Variants in SEC63 observed in about 807,000 individuals in gnomAD.
The protein encoded by SEC63 is translocation protein SEC63 homolog.
Under a neutral mutation model 116.2 loss-of-function variants are expected in SEC63, and 56 were observed. The observed-to-expected ratio is 0.48, with a 90% CI of 0.39 to 0.60. SEC63 has a LOEUF of 0.60. Among genes scored for constraint, SEC63 ranks in the 20% least tolerant of loss-of-function variants. SEC63 has a pLI of 0.00. For synonymous variants in SEC63, 273 were observed against 294.6 expected, an observed-to-expected ratio of 0.93 and a Z score of 0.75; for missense variants, 668 against 900.0, an observed-to-expected ratio of 0.74 and a Z score of 3.30.
intron 18 of SEC63, among the ~76,000 whole-genome samples, chr6:107,880,616 A>G (rs142265511): frequency 3.0e-4 from 46 of 152,290 alleles, no homozygotes; most frequent in Admixed American, 4.6e-4. Context: ...ATGGAACTTT[A>G]TTTATTAGAG....
chr6:107,954,364 G>C (rs1287271324), intron 1 of SEC63, among the ~76,000 whole-genome samples: 1 of 149,398 alleles, frequency 6.7e-6, no homozygotes, highest in Non-Finnish European at 1.5e-5. Flanking sequence ...AGGAAAACCA[G>C]AGACCTCTGT....
intron 10 of SEC63, among the ~76,000 whole-genome samples, chr6:107,906,150 G>T (rs1787143828): frequency 6.6e-6 from 1 of 152,122 alleles, no homozygotes; most frequent in Non-Finnish European, 1.5e-5. Context: ...AAAACGTGTG[G>T]CATCTCCCCC....
chr6:107,950,369 G>C (rs189652976), intron 1 of SEC63, among the ~76,000 whole-genome samples: 8 of 152,184 alleles, frequency 5.3e-5, no homozygotes, highest in African/African-American at 1.9e-4. Context: ...AAAATGGATA[G>C]AACAACCAAA....
At chr6:107,940,331 C>A (rs761653508) in intron 1 of SEC63, among the ~76,000 whole-genome samples, 5 of 152,220 alleles carry the variant, frequency 3.3e-5, no homozygotes. Context: ...TAAGCAGGTA[C>A]TTGACAGCAG....
chr6:107,937,187 A>G lies in SEC63; in HGVS notation c.125-7673T>C, dbSNP rs149671219. On this transcript the variant is annotated intron_variant, in intron 1 of 20. Coordinates refer to ENST00000369002, the MANE Select transcript of SEC63 (RefSeq NM_007214.5). ...GCCCAGGCTGGAGTGCAATGGCGCA[A>G]TCTCAGCTCATTGCAACCTCCACCT... Among the ~76,000 whole-genome samples, 616 of 146,332 alleles carry G rather than the reference A, an allele frequency of 4.2e-3. 9 individuals are homozygous for G. The highest frequency in any genetic ancestry group is 0.015 in the African/African-American group (597 of 39,416).
At chr6:107,883,652 A>G (rs868119298) in intron 16 of SEC63, among the ~76,000 whole-genome samples, 1 of 150,702 alleles carries the variant, frequency 6.6e-6, no homozygotes, top group African/African-American at 2.4e-5. Flanking sequence ...TTATATATAT[A>G]TATATATCAC....
In SEC63 at chr6:107,883,128, C is replaced by G; in HGVS notation, c.1693G>C (p.Asp565His). ...VVGNEAAVKE[D>H]EEEVSDKGSD... is the part of the protein sequence containing the mutation. ...CCCTTATCTGAAACTTCTTCTTCAT[C>G]TTCCTTTACTGCAGCTTCCTAAAAG... Residue 565 changes from aspartate (D) to histidine (H), a missense_variant, in exon 17 of 21, where the codon GAT (aspartate) becomes CAT (histidine). Around this residue, in one of 5 missense-constraint regions of SEC63, gnomAD observed 430 missense variants for 557.5 expected, o/e 0.77. Coordinates refer to ENST00000369002, the MANE Select transcript of SEC63 (RefSeq NM_007214.5). 1 of 1,612,440 alleles carries G rather than the reference C, an allele frequency of 6.2e-7. No homozygotes were observed. The highest frequency in any genetic ancestry group is 8.5e-7 in the Non-Finnish European group (1 of 1,179,562).
intron 1 of SEC63, 44 bp from the exon 2 acceptor site, chr6:107,929,558 C>A: frequency 2.5e-6 from 3 of 1,180,206 alleles, no homozygotes; most frequent in Non-Finnish European, 3.8e-6. Context: ...CCATTTTTCA[C>A]AAGTGAAGGT....
intron 1 of SEC63, among the ~76,000 whole-genome samples, chr6:107,934,318 G>A (rs1344883178): frequency 6.6e-6 from 1 of 150,914 alleles, no homozygotes; most frequent in African/African-American, 2.4e-5. Context: ...GAAGTGAGGA[G>A]CGCCTCTTCC....
At chr6:107,955,118 T>C (rs1770684857) in intron 1 of SEC63, among the ~76,000 whole-genome samples, 3 of 152,192 alleles carry the variant, frequency 2.0e-5, no homozygotes, top group Admixed American at 2.0e-4. Context: ...TAATCCCAGT[T>C]CAACCATACA....
intron 19 of SEC63, among the ~76,000 whole-genome samples, chr6:107,873,255 G>A (rs1786174490): frequency 6.6e-6 from 1 of 152,014 alleles, no homozygotes; most frequent in South Asian, 2.1e-4. Flanking sequence ...TGAAATGTTG[G>A]AATAAAACAA....
chr6:107,904,554 T>C, intron 11 of SEC63, 75 bp downstream of exon 11: 2 of 1,176,162 alleles, frequency 1.7e-6, no homozygotes, highest in Non-Finnish European at 2.6e-6. Flanking sequence ...TACCCATAAA[T>C]CCTAAAATAT....
chr6:107,930,807 C>T (rs556806572), intron 1 of SEC63, among the ~76,000 whole-genome samples: 1 of 150,736 alleles, frequency 6.6e-6, no homozygotes, highest in South Asian at 2.1e-4. Context: ...CCAACCTGGC[C>T]AACATGGCAA....
intron 17 of SEC63, among the ~76,000 whole-genome samples, chr6:107,881,894 A>G (rs947445140): frequency 6.6e-6 from 1 of 152,216 alleles, no homozygotes; most frequent in Non-Finnish European, 1.5e-5. Flanking sequence ...CAGGTAATAA[A>G]TAATGATTTG....
chr6:107,930,314 T>TA (rs1787771428), intron 1 of SEC63: 47 of 147,806 alleles, frequency 3.2e-4, no homozygotes, highest in South Asian at 2.4e-3. Flanking sequence ...AATTTTTATT[T>TA]TAAAAAAAAA....
In SEC63 at chr6:107,894,933, C is replaced by T. The variant is rs1033058259; in HGVS notation, c.1441-1036G>A. Among the ~76,000 whole-genome samples, 4 of 152,282 alleles carry T rather than the reference C, an allele frequency of 2.6e-5. No homozygotes were observed. In the South Asian group the frequency reaches 8.3e-4, roughly 32 times the overall value. On this transcript the variant is annotated intron_variant, in intron 14 of 20. Transcript: ENST00000369002. ...ACAAAGCTTTACTGGAACATGACCACACCCATCTGTAAGTTCAGCAGTTGC... is the reference window on the plus strand; with the variant it reads ...ACAAAGCTTTACTGGAACATGACCATACCCATCTGTAAGTTCAGCAGTTGC...
At position 107,882,977 on chromosome 6, in the gene SEC63, A is replaced by G; in HGVS notation, c.1833+11T>C. On this transcript the variant is annotated intron_variant, in intron 17 of 20. Transcript: ENST00000369002. ...CCAATTATTTAAATTATTTAAACCT[A>G]TAAGGCTTACTGCTTCATCATCTTT... The G allele has an allele frequency of 1.3e-6, 2 of 1,521,750 alleles. No individual in the cohort carries two copies. The highest frequency in any genetic ancestry group is 1.8e-6 in the Non-Finnish European group (2 of 1,099,738). The allele number at this position is 1,521,750 out of a possible 1,614,324, so 94.3% of individuals were successfully genotyped here. A position where few individuals can be genotyped will look rare whatever the true frequency, so the allele number is the denominator to read the frequency against.
rs1051100938 is a variant in SEC63, at chr6:107,926,825, C to A, written c.225-1893G>T. On this transcript the variant is annotated intron_variant, in intron 2 of 20. Coordinates refer to ENST00000369002, the MANE Select transcript of SEC63 (RefSeq NM_007214.5). ...TATGTTTTACATGGAGCATCCAGTT[C>A]TCCAAGCCAAGGAATGAGAAGAGGA... is the stretch of plus-strand genomic sequence containing the variant. Among the ~76,000 whole-genome samples the A allele has an allele frequency of 4.6e-5, 7 of 152,158 alleles. No homozygotes were observed. The East Asian group carries it at 1.3e-3, about 29-fold the overall frequency.
chr6:107,946,693 A>G (rs1416039601), intron 1 of SEC63, among the ~76,000 whole-genome samples: 1 of 152,226 alleles, frequency 6.6e-6, no homozygotes. Flanking sequence ...AAAACAATTT[A>G]AAGTTTTATC....
Sources: allele counts gnomAD v4.1 joint callset (sites outside exome capture counted in the v4.1 genomes callset), GRCh38; gene constraint gnomAD v4.1.1; regional missense constraint gnomAD v4.1.1; transcripts MANE v1.5; gene names NCBI Gene and HGNC (gene_info 2026-07-23, HGNC 2026-07-21).